Variants in UNC80 observed in about 807,000 individuals in gnomAD.
UNC80 encodes unc-80 subunit of NALCN channel complex.
In UNC80, 164 loss-of-function variants were observed where a neutral mutation model predicts 384.6. The observed-to-expected ratio is 0.43, with a 90% CI of 0.38 to 0.49. UNC80 has a LOEUF of 0.49. Ranked by LOEUF, UNC80 falls within the 20% of genes least tolerant of loss-of-function variation. UNC80 has a pLI of 0.00. For synonymous variants in UNC80, 1,486 were observed against 1,527.8 expected, an observed-to-expected ratio of 0.97 and a Z score of 0.64; for missense variants, 3,330 against 4,143.0, an observed-to-expected ratio of 0.80 and a Z score of 5.39.
intron 51 of UNC80, among the ~76,000 whole-genome samples, chr2:209,962,107 G>A (rs1559401992): frequency 6.6e-6 from 1 of 152,160 alleles, no homozygotes; most frequent in Non-Finnish European, 1.5e-5. Flanking sequence ...GACCCTTTCT[G>A]GAAAGGGGGC....
At chr2:209,786,019 G>T in intron 4 of UNC80, 47 bp from the exon 5 acceptor site, 1 of 1,598,364 alleles carries the variant, frequency 6.3e-7, no homozygotes, top group Non-Finnish European at 8.5e-7. Flanking sequence ...CCTTTAAGCA[G>T]CTGTTACATG....
chr2:209,837,992 C>T (rs925028802), intron 18 of UNC80, among the ~76,000 whole-genome samples: 5 of 151,974 alleles, frequency 3.3e-5, no homozygotes, highest in African/African-American at 4.8e-5. Context: ...AGAATGGTCT[C>T]GATCTCCTGA....
chr2:209,821,467 T>C (rs1386573334), intron 13 of UNC80, among the ~76,000 whole-genome samples: 1 of 152,166 alleles, frequency 6.6e-6, no homozygotes, highest in African/African-American at 2.4e-5. Context: ...TTATTTCTTT[T>C]AAGTAACACA....
rs751904818 is a variant in UNC80 at position 209,912,618 on chromosome 2, A to T, written c.4841A>T (p.Asn1614Ile). The T allele has an allele frequency of 6.4e-7, 1 of 1,551,608 alleles. No individual in the cohort carries two copies. Among genetic ancestry groups the T allele is most frequent in the Non-Finnish European group, 8.7e-7 (1 of 1,146,908 alleles). ...PSLKKRVSDA[N>I]LEGKKDSGML... ...CTAAAGAAGAGAGTTTCAGATGCCA[A>T]TCTGGAAGGAAAAAAAGATTCCGGA... The change falls in exon 30 of 65, where the codon AAT (asparagine) becomes ATT (isoleucine). Residue 1614 changes from asparagine to isoleucine, a missense_variant. By Grantham distance (149) the Asn-to-Ile change is moderately radical. Coordinates refer to ENST00000673920, the MANE Select transcript of UNC80 (RefSeq NM_001371986.1).
At chr2:209,852,483 T>A (rs1439828370) in intron 22 of UNC80, among the ~76,000 whole-genome samples, 2 of 152,044 alleles carry the variant, frequency 1.3e-5, no homozygotes, top group African/African-American at 2.4e-5. Context: ...TCACATTCAT[T>A]GTCTTATTTG....
At chr2:209,878,227 G>T in intron 24 of UNC80, 138 bp downstream of exon 24, 1 of 901,962 alleles carries the variant, frequency 1.1e-6, no homozygotes. Context: ...CCTTTTCCCT[G>T]TGCATGGGTG....
chr2:209,913,989 T>C (rs2089242141), intron 31 of UNC80, 49 bp downstream of exon 31: 1 of 1,488,900 alleles, frequency 6.7e-7, no homozygotes, highest in South Asian at 1.3e-5. Flanking sequence ...CTGCTGTTAC[T>C]GATCCAAGTG....
chr2:209,913,548 ACTC>A (rs2089193428), intron 30 of UNC80, among the ~76,000 whole-genome samples: 1 of 151,850 alleles, frequency 6.6e-6, no homozygotes, highest in Non-Finnish European at 1.5e-5. Flanking sequence ...TATATAGTTT[ACTC>A]CTTGGTCGCA....
chr2:209,866,083 G>A (rs1259255501), intron 22 of UNC80, among the ~76,000 whole-genome samples: 1 of 151,868 alleles, frequency 6.6e-6, no homozygotes, highest in Non-Finnish European at 1.5e-5. Context: ...CTTATTTGAG[G>A]TTCATTAGGT....
Position 209,789,609 on chromosome 2 carries a change from A to G in UNC80, c.798+4A>G. On this transcript the variant is annotated splice_donor_region_variant and intron_variant, in intron 6 of 64. Transcript: ENST00000673920. Reference sequence around the variant, plus strand: ...TCAAGATGCAAGACACTTAGAGGTTAGTTTATTATAATCATAAGAAGAAGG... The same window carrying G: ...TCAAGATGCAAGACACTTAGAGGTTGGTTTATTATAATCATAAGAAGAAGG... 3 of 1,606,318 alleles carry G rather than the reference A, an allele frequency of 1.9e-6. No homozygotes were observed. Among genetic ancestry groups the G allele is most frequent in the Non-Finnish European group, 2.6e-6 (3 of 1,173,308 alleles).
Position 209,973,283 on chromosome 2 carries a change from T to G in UNC80, c.8587+13T>G, listed in dbSNP as rs759374450. 6.7e-7 allele frequency: 1 copy of G among 1,493,314 alleles called. No homozygotes were observed. Among genetic ancestry groups the G allele is most frequent in the Non-Finnish European group, 9.0e-7 (1 of 1,108,034 alleles). The allele number at this position is 1,493,314 out of a possible 1,614,324, so 92.5% of individuals were successfully genotyped here. A position where few individuals can be genotyped will look rare whatever the true frequency, so the allele number is the denominator to read the frequency against. On this transcript the variant is annotated intron_variant, in intron 56 of 64. Transcript: ENST00000673920. Reference sequence around the variant, plus strand: ...GCAGCATACTTGGGTTGGTACTTTCTCTCTCTCTCTCTCTGTTTGTGCATG... The same window carrying G: ...GCAGCATACTTGGGTTGGTACTTTCGCTCTCTCTCTCTCTGTTTGTGCATG...
At chr2:209,779,228 C>G (rs2077027338) in intron 4 of UNC80, among the ~76,000 whole-genome samples, 3 of 152,190 alleles carry the variant, frequency 2.0e-5, no homozygotes, top group Admixed American at 2.0e-4. Flanking sequence ...TCATCTCCCT[C>G]TATCTCACTG....
In UNC80 at chr2:209,973,090, G is replaced by A. The variant is rs2092924107; in HGVS notation, c.8407G>A (p.Val2803Met). 2 of 1,551,582 alleles carry A rather than the reference G, an allele frequency of 1.3e-6. No homozygotes were observed. The highest frequency in any genetic ancestry group is 8.7e-7 in the Non-Finnish European group (1 of 1,146,990). ...KDSPWLEQPE[V>M]QLLLQTVINV... ...TAGCCCATGGCTGGAGCAGCCTGAG[G>A]TGCAGCTGCTGCTGCAGACAGTCAT... Residue 2803 changes from valine (V) to methionine (M), a missense_variant, in exon 56 of 65, where the codon GTG becomes ATG. Val to Met is a conservative substitution (Grantham distance 21). Coordinates refer to ENST00000673920, the MANE Select transcript of UNC80 (RefSeq NM_001371986.1).
chr2:209,935,975 C>G (rs1559357494), intron 40 of UNC80, among the ~76,000 whole-genome samples, 167 bp downstream of exon 40: 3 of 152,148 alleles, frequency 2.0e-5, no homozygotes, highest in Admixed American at 6.5e-5. Flanking sequence ...CTATTTCCTT[C>G]CATAATTTTC....
At chr2:209,842,168 T>C (rs1244063980) in intron 20 of UNC80, among the ~76,000 whole-genome samples, 182 bp from the exon 21 acceptor site, 3 of 152,182 alleles carry the variant, frequency 2.0e-5, no homozygotes, top group Non-Finnish European at 2.9e-5. Context: ...CAGTGATGTC[T>C]TTTTTGGCAC....
chr2:209,776,636 G>C (rs552492921), intron 3 of UNC80, among the ~76,000 whole-genome samples: 3 of 152,272 alleles, frequency 2.0e-5, no homozygotes, highest in African/African-American at 7.2e-5. Flanking sequence ...GGCAAGCTAA[G>C]ACCTTCACCT....
At chr2:209,957,589 T>TTCCATTTC in intron 48 of UNC80, 55 bp from the exon 49 acceptor site, 7 of 1,422,456 alleles carry the variant, frequency 4.9e-6, no homozygotes, top group Non-Finnish European at 6.8e-6. Flanking sequence ...TAATAAATGT[T>TTCCATTTC]TCCATTTCTG....
chr2:209,944,882 C>A (rs2091838111), intron 45 of UNC80, among the ~76,000 whole-genome samples, 169 bp from the exon 46 acceptor site: 1 of 151,942 alleles, frequency 6.6e-6, no homozygotes. Context: ...TCAGGTGTAC[C>A]ACTCCAAAAT....
chr2:209,861,905 CT>C (rs1360739802), intron 22 of UNC80, among the ~76,000 whole-genome samples: 1 of 152,032 alleles, frequency 6.6e-6, no homozygotes, highest in African/African-American at 2.4e-5. Context: ...TTTATTGTGT[CT>C]ATTTGATTCT....
Sources: gnomAD v4.1 joint callset for allele counts (sites outside exome capture counted in the v4.1 genomes callset) on GRCh38, gnomAD v4.1.1 for gene constraint, MANE v1.5 for transcripts, NCBI Gene and HGNC (gene_info 2026-07-23, HGNC 2026-07-21) for gene names.